ERC2: variants seen among roughly 807,000 people sequenced by gnomAD.
ERC2 encodes ERC protein 2.
A neutral mutation model predicts 114.8 loss-of-function variants in ERC2; 42 were observed. That is an observed-to-expected ratio of 0.37 (90% CI 0.29 to 0.47). The LOEUF is 0.47. Among genes scored for constraint, ERC2 ranks in the 20% least tolerant of loss-of-function variants. ERC2 has a pLI of 0.99. For missense variants in ERC2, 939 were observed against 1,150.7 expected (o/e 0.82, Z 2.66); for synonymous variants, 454 against 425.5 (o/e 1.07, Z -0.82).
intron 14 of ERC2, among the ~76,000 whole-genome samples, chr3:55,797,144 G>A (rs2070578670): frequency 6.6e-6 from 1 of 152,194 alleles, no homozygotes; most frequent in South Asian, 2.1e-4. Context: ...CCAGCATTGT[G>A]TCTGACTAGA....
intron 14 of ERC2, among the ~76,000 whole-genome samples, chr3:55,763,143 G>GATAGGAAA (rs1193018990): frequency 1.3e-5 from 2 of 152,228 alleles, no homozygotes; most frequent in Non-Finnish European, 2.9e-5. Flanking sequence ...GGAAAGCACT[G>GATAGGAAA]GCAAATGCTC....
At chr3:55,583,574 TTCC>T (rs1159398036) in intron 17 of ERC2, among the ~76,000 whole-genome samples, 8 of 136,138 alleles carry the variant, frequency 5.9e-5, no homozygotes, top group Admixed American at 7.5e-5. Flanking sequence ...CCTTCCTTCC[TTCC>T]TTCCTTCCTT....
chr3:55,603,670 G>T, intron 17 of ERC2, among the ~76,000 whole-genome samples: 1 of 145,544 alleles, frequency 6.9e-6, no homozygotes. Context: ...AAAGCCCTTT[G>T]CCTCAAATCC....
chr3:55,533,295 G>A (rs1559609590), intron 17 of ERC2, among the ~76,000 whole-genome samples: 1 of 152,172 alleles, frequency 6.6e-6, no homozygotes, highest in Non-Finnish European at 1.5e-5. Flanking sequence ...ACGGGGCAGA[G>A]GGAGAAGAAC....
intron 6 of ERC2, among the ~76,000 whole-genome samples, chr3:56,117,427 G>A (rs570174352): frequency 8.5e-5 from 13 of 152,294 alleles, no homozygotes; most frequent in Admixed American, 2.6e-4. Context: ...TAGCTGCTAA[G>A]ACAAAGACAA....
intron 13 of ERC2, among the ~76,000 whole-genome samples, chr3:55,944,584 A>C (rs893455598): frequency 3.3e-5 from 5 of 152,350 alleles, no homozygotes; most frequent in Non-Finnish European, 7.3e-5. Context: ...ACACGATTGC[A>C]CTTGGCTTCT....
chr3:55,960,510 A>G lies in ERC2; in HGVS notation c.2268-9950T>C, dbSNP rs73831820. Among the ~76,000 whole-genome samples, 1,165 of 152,212 alleles carry G rather than the reference A, an allele frequency of 7.7e-3. 8 individuals are homozygous for G. The highest frequency in any genetic ancestry group is 0.031 in the Middle Eastern group (9 of 294). On this transcript the variant is annotated intron_variant, in intron 12 of 17. Transcript: ENST00000288221. ...CATCAAATGCAAGGATGCCCCTCCT[A>G]TCACTGAGAATCTCTGACAGCACCC...
At chr3:56,037,367 T>C (rs1307045868) in intron 7 of ERC2, among the ~76,000 whole-genome samples, 4 of 152,140 alleles carry the variant, frequency 2.6e-5, no homozygotes, top group African/African-American at 7.2e-5. Context: ...AATGACTTGA[T>C]AGAGCTGAAA....
chr3:56,016,673 G>A (rs546833469), intron 8 of ERC2, among the ~76,000 whole-genome samples: 1 of 152,132 alleles, frequency 6.6e-6, no homozygotes, highest in African/African-American at 2.4e-5. Context: ...TAACAGAAGA[G>A]AAGCCTCCTT....
intron 17 of ERC2, among the ~76,000 whole-genome samples, chr3:55,638,253 T>C (rs1402078173): frequency 2.6e-5 from 4 of 152,194 alleles, no homozygotes; most frequent in African/African-American, 9.7e-5. Flanking sequence ...TCCATGGGGT[T>C]TTTGTGAGAA....
chr3:55,888,248 T>A lies in ERC2; in HGVS notation c.2564+141A>T, dbSNP rs150872896. The stretch of plus-strand genomic sequence containing the variant: ...AGTTACAATTAAAAAATAAGAAACA[T>A]ACTTTCAGAAATGACCAGGCAAGTG... On this transcript the variant is annotated intron_variant, in intron 14 of 17. Transcript: ENST00000288221. The A allele has an allele frequency of 4.6e-4, 459 of 999,158 alleles. No individual in the cohort carries two copies. The African/African-American group carries it at 6.6e-3, about 14-fold the overall frequency. 61.9% of individuals were successfully genotyped at this position (999,158 alleles called of 1,614,324 possible).
chr3:55,597,613 T>C (rs1165844165), intron 17 of ERC2, among the ~76,000 whole-genome samples: 1 of 152,140 alleles, frequency 6.6e-6, no homozygotes, highest in Non-Finnish European at 1.5e-5. Flanking sequence ...CTACTGTACT[T>C]TTCTTCATGC....
At chr3:56,097,914 T>C (rs1177067142) in intron 6 of ERC2, among the ~76,000 whole-genome samples, 1 of 152,178 alleles carries the variant, frequency 6.6e-6, no homozygotes, top group East Asian at 1.9e-4. Flanking sequence ...ACAGAGAGTA[T>C]TTTGCATCAC....
At position 55,510,499 on chromosome 3, in the gene ERC2, G is replaced by A. The variant is rs1294052188; in HGVS notation, c.*817C>T. The A allele has an allele frequency of 6.6e-6, 1 of 152,612 alleles. No homozygotes were observed. The highest frequency in any genetic ancestry group is 1.5e-5 in the Non-Finnish European group (1 of 68,048). The allele number at this position is 152,612 out of a possible 1,614,324, so 9.5% of individuals were successfully genotyped here. On this transcript the variant is annotated 3_prime_UTR_variant, in exon 18 of 18. Transcript: ENST00000288221. ...AGACTTTTGCCACTCTCCAGTACATGACTGGGTAGATAAAATTATGAATGA... is the reference window on the plus strand; with the variant it reads ...AGACTTTTGCCACTCTCCAGTACATAACTGGGTAGATAAAATTATGAATGA...
chr3:56,338,734 A>T (rs1342769844), intron 2 of ERC2, among the ~76,000 whole-genome samples: 2 of 152,228 alleles, frequency 1.3e-5, no homozygotes, highest in Non-Finnish European at 2.9e-5. Context: ...TGAGGGGGGA[A>T]TATGACCCAA....
At chr3:56,204,958 C>A (rs925013607) in intron 3 of ERC2, among the ~76,000 whole-genome samples, 12 of 147,254 alleles carry the variant, frequency 8.1e-5, no homozygotes, top group East Asian at 2.0e-4. Context: ...GTGTGTATGT[C>A]TGTCTGTCTC....
intron 13 of ERC2, among the ~76,000 whole-genome samples, chr3:55,918,639 T>C (rs916195376): frequency 1.3e-5 from 2 of 151,886 alleles, no homozygotes; most frequent in Non-Finnish European, 2.9e-5. Flanking sequence ...CCTTGAAGCT[T>C]CTTCTTGAAA....
At chr3:56,080,768 AC>A in intron 7 of ERC2, 48 bp downstream of exon 7, 1 of 1,565,372 alleles carries the variant, frequency 6.4e-7, no homozygotes, top group East Asian at 2.3e-5. Context: ...TTCTAAAATG[AC>A]AAAACATGGA....
At chr3:55,934,076 A>G (rs1268442407) in intron 13 of ERC2, among the ~76,000 whole-genome samples, 2 of 152,228 alleles carry the variant, frequency 1.3e-5, no homozygotes, top group African/African-American at 4.8e-5. Flanking sequence ...GGATATGCAT[A>G]TGTGTATATA....
Sources: gnomAD v4.1 joint callset for allele counts (sites outside exome capture counted in the v4.1 genomes callset) on GRCh38, gnomAD v4.1.1 for gene constraint, MANE v1.5 for transcripts, NCBI Gene and HGNC (gene_info 2026-07-23, HGNC 2026-07-21) for gene names.